FAM162A: variants seen among roughly 807,000 people sequenced by gnomAD.
The protein encoded by FAM162A is protein FAM162A.
Under a neutral mutation model 21.8 loss-of-function variants are expected in FAM162A, and 23 were observed. The ratio of observed to expected loss-of-function variants is 1.05; its 90% confidence interval spans 0.76 to 1.49. FAM162A has a LOEUF of 1.49. FAM162A is among the 40% of genes most tolerant of loss of function. The pLI is 0.00. For missense variants in FAM162A, 165 were observed against 186.4 expected (o/e 0.89, Z 0.67); for synonymous variants, 53 against 61.3 (o/e 0.86, Z 0.64).
At chr3:122,408,899 TTC>T (rs148693976) in intron 4 of FAM162A, among the ~76,000 whole-genome samples, 20,201 of 152,180 alleles carry the variant, frequency 0.13, 1,496 homozygotes, top group Middle Eastern at 0.22. Context: ...TTTATGGAAT[TTC>T]TGTTTCCATA....
chr3:122,410,396 T>TAG lies in FAM162A; in HGVS notation c.*567_*568dup, dbSNP rs2075699387. 6.4e-6 allele frequency: 1 copy of TAG among 156,848 alleles called. No homozygotes were observed. Among genetic ancestry groups the TAG allele is most frequent in the African/African-American group, 2.4e-5 (1 of 41,456 alleles). The allele number at this position is 156,848 out of a possible 1,614,324, so 9.7% of individuals were successfully genotyped here. On this transcript the variant is annotated 3_prime_UTR_variant, in exon 5 of 5. Transcript: ENST00000477892. ...GTCCAGCCAGGAATTTCTAAGGACT[T>TAG]AGAAATCCCAGCGTCATGGAGTTGC... is the stretch of plus-strand genomic sequence containing the variant.
intron 3 of FAM162A, among the ~76,000 whole-genome samples, chr3:122,405,892 A>G (rs993405231): frequency 2.0e-5 from 3 of 152,136 alleles, no homozygotes; most frequent in African/African-American, 7.2e-5. Context: ...CTAACTGACC[A>G]ATTTGACAGT....
intron 1 of FAM162A, among the ~76,000 whole-genome samples, chr3:122,389,664 A>C (rs2075591848): frequency 6.6e-6 from 1 of 152,332 alleles, no homozygotes; most frequent in African/African-American, 2.4e-5. Flanking sequence ...AAAAGTATTA[A>C]TATCTTGGAA....
intron 1 of FAM162A, among the ~76,000 whole-genome samples, chr3:122,389,381 G>GGATAGATGGATAGATA (rs1388512053): frequency 1.0e-4 from 15 of 145,232 alleles, no homozygotes; most frequent in African/African-American, 3.9e-4. Context: ...TAGTATAGAT[G>GGATAGATGGATAGATA]GATAGATAGA....
At position 122,384,239 on chromosome 3, in the gene FAM162A, C is replaced by T. The variant is rs761363373; in HGVS notation, c.-27C>T. 1.2e-5 allele frequency: 18 copies of T among 1,563,770 alleles called. No individual in the cohort carries two copies. Among genetic ancestry groups the T allele is most frequent in the Non-Finnish European group, 1.6e-5 (18 of 1,154,538 alleles). ...CGCCACCGTCCCCGGCGAAGTTCTG[C>T]GCTGGTCGGCGGAGTAGCAAGTGGC... is the stretch of plus-strand genomic sequence containing the variant. On this transcript the variant is annotated 5_prime_UTR_variant, in exon 1 of 5. Transcript: ENST00000477892.
At chr3:122,384,855 CAATT>C (rs1303832325) in intron 1 of FAM162A, among the ~76,000 whole-genome samples, 12 of 152,144 alleles carry the variant, frequency 7.9e-5, no homozygotes, top group African/African-American at 1.9e-4. Context: ...AACACTTATA[CAATT>C]AATTGATTCG....
At chr3:122,389,302 G>A (rs536389830) in intron 1 of FAM162A, among the ~76,000 whole-genome samples, 1 of 152,012 alleles carries the variant, frequency 6.6e-6, no homozygotes, top group Non-Finnish European at 1.5e-5. Context: ...TTATTGTAGA[G>A]TAATAAGACA....
At chr3:122,404,090 A>G (rs1027852685) in intron 2 of FAM162A, among the ~76,000 whole-genome samples, 168 bp from the exon 3 acceptor site, 6 of 152,224 alleles carry the variant, frequency 3.9e-5, no homozygotes, top group Admixed American at 2.0e-4. Context: ...TATTTGGAAA[A>G]TGAAGCATCC....
intron 1 of FAM162A, among the ~76,000 whole-genome samples, chr3:122,384,678 C>T (rs952277556): frequency 6.6e-6 from 1 of 152,112 alleles, no homozygotes; most frequent in African/African-American, 2.4e-5. Flanking sequence ...ATCTATTGCT[C>T]TCCTTGAGTC....
At chr3:122,386,236 C>G (rs1331288568) in intron 1 of FAM162A, among the ~76,000 whole-genome samples, 1 of 152,062 alleles carries the variant, frequency 6.6e-6, no homozygotes, top group Non-Finnish European at 1.5e-5. Flanking sequence ...GCAGCCTTAG[C>G]CAAAGGAATG....
intron 1 of FAM162A, among the ~76,000 whole-genome samples, chr3:122,393,519 A>G (rs2075613532): frequency 6.6e-6 from 1 of 152,218 alleles, no homozygotes; most frequent in Non-Finnish European, 1.5e-5. Flanking sequence ...AGAAGGCAGA[A>G]TGGGTTTAAG....
At position 122,402,784 on chromosome 3, in the gene FAM162A, G is replaced by A. The variant is rs531678380; in HGVS notation, c.59G>A (p.Arg20Lys). Reference sequence around the variant, plus strand: ...GGAAGCTGTTTTAGGTTATGTGAAAGAGATGTTTCCTCATCTCTAAGGCTT... The same window carrying A: ...GGAAGCTGTTTTAGGTTATGTGAAAAAGATGTTTCCTCATCTCTAAGGCTT... ...AAGSCFRLCE[R>K]DVSSSLRLTR... The change falls in exon 2 of 5, where the codon AGA becomes AAA. Residue 20 changes from arginine to lysine, a missense_variant. By Grantham distance (26) the Arg-to-Lys change is conservative. Coordinates refer to ENST00000477892, the MANE Select transcript of FAM162A (RefSeq NM_014367.4). 6.4e-7 allele frequency: 1 copy of A among 1,566,762 alleles called. No individual in the cohort carries two copies.
intron 3 of FAM162A, 121 bp downstream of exon 3, chr3:122,404,484 T>A (rs988565789): frequency 3.6e-5 from 18 of 494,896 alleles, no homozygotes; most frequent in African/African-American, 2.8e-4. Context: ...ATTTTTCACT[T>A]TTCCAAATGT....
chr3:122,409,592 C>T (rs898442592), intron 4 of FAM162A, 147 bp from the exon 5 acceptor site: 2 of 681,160 alleles, frequency 2.9e-6, no homozygotes, highest in Admixed American at 2.4e-5. Context: ...AGTTGAAGCA[C>T]ATAGAGGAAA....
chr3:122,401,465 G>C lies in FAM162A; in HGVS notation c.35-1295G>C. On this transcript the variant is annotated intron_variant, in intron 1 of 4. Transcript: ENST00000477892. ...TCAGGCTTGACTTGAGAGCACGTGG[G>C]AAAAGAAGGGGGCTATCTCTTCGCA... 2.5e-6 allele frequency: 3 copies of C among 1,206,246 alleles called. No individual in the cohort carries two copies. The South Asian group carries it at 4.7e-5, about 19-fold the overall frequency. 74.7% of individuals were successfully genotyped at this position (1,206,246 alleles called of 1,614,324 possible).
At chr3:122,396,475 TATAATC>T (rs1433668329) in intron 1 of FAM162A, among the ~76,000 whole-genome samples, 1 of 152,190 alleles carries the variant, frequency 6.6e-6, no homozygotes, top group African/African-American at 2.4e-5. Context: ...CTGGGACAGT[TATAATC>T]AAAAAGAATA....
chr3:122,403,313 G>A (rs993039960), intron 2 of FAM162A, among the ~76,000 whole-genome samples: 3 of 152,206 alleles, frequency 2.0e-5, no homozygotes, highest in African/African-American at 7.2e-5. Flanking sequence ...ATGCACAGTG[G>A]TTTCTTCATT....
At chr3:122,400,194 A>G (rs1192152708) in intron 1 of FAM162A, among the ~76,000 whole-genome samples, 1 of 152,212 alleles carries the variant, frequency 6.6e-6, no homozygotes, top group Non-Finnish European at 1.5e-5. Context: ...ATGCAGCCAT[A>G]AAAAGGATGA....
Position 122,403,464 on chromosome 3 carries a change from G to A in FAM162A, c.157+582G>A, listed in dbSNP as rs367871556. ...AAGATGAACCAAATTAAGATATTAT[G>A]CGTTAGGTAAAATATAAGCAGGGCC... On this transcript the variant is annotated intron_variant, in intron 2 of 4. Coordinates refer to ENST00000477892, the MANE Select transcript of FAM162A (RefSeq NM_014367.4). Among the ~76,000 whole-genome samples, 14 of 152,296 alleles carry A rather than the reference G, an allele frequency of 9.2e-5. 1 individual carries two copies. In the South Asian group the frequency reaches 2.3e-3, roughly 25 times the overall value.
Sources: allele counts gnomAD v4.1 joint callset (sites outside exome capture counted in the v4.1 genomes callset), GRCh38; gene constraint gnomAD v4.1.1; transcripts MANE v1.5; gene names NCBI Gene and HGNC (gene_info 2026-07-23, HGNC 2026-07-21).